Variants in RNF150 observed in about 807,000 individuals in gnomAD.
RNF150 encodes ring finger protein 150.
A neutral mutation model predicts 39.3 loss-of-function variants in RNF150; 24 were observed. That is an observed-to-expected ratio of 0.61 (90% CI 0.44 to 0.86). The LOEUF (loss-of-function observed/expected upper bound fraction) is 0.86. Among genes scored for constraint, RNF150 ranks in the 40% least tolerant of loss-of-function variants. The pLI is 0.00. For synonymous variants in RNF150, 255 were observed against 227.3 expected, an observed-to-expected ratio of 1.12 and a Z score of -1.10; for missense variants, 502 against 587.8, an observed-to-expected ratio of 0.85 and a Z score of 1.51.
At chr4:141,097,696 C>CT (rs537986928) in intron 1 of RNF150, among the ~76,000 whole-genome samples, 172 of 151,980 alleles carry the variant, frequency 1.1e-3, no homozygotes, top group African/African-American at 3.5e-3. Flanking sequence ...TGAGGATAGC[C>CT]TTTTTTTCCT....
At chr4:140,903,126 A>G (rs10002095) in intron 6 of RNF150, among the ~76,000 whole-genome samples, 79,314 of 151,952 alleles carry the variant, frequency 0.52, 22,391 homozygotes, top group East Asian at 0.79. Context: ...TCACCTAACA[A>G]AAATGCAGAA....
chr4:141,142,312 C>T (rs1727130196), intron 1 of RNF150, among the ~76,000 whole-genome samples: 1 of 152,210 alleles, frequency 6.6e-6, no homozygotes, highest in Non-Finnish European at 1.5e-5. Flanking sequence ...AGCCAACTCT[C>T]ACTTTTTCTC....
At chr4:140,962,362 T>A (rs2111408986) in intron 2 of RNF150, among the ~76,000 whole-genome samples, 1 of 151,928 alleles carries the variant, frequency 6.6e-6, no homozygotes, top group East Asian at 1.9e-4. Flanking sequence ...TGGCAGTGCA[T>A]ATGTGCATAT....
At chr4:141,105,946 G>A (rs891730915) in intron 1 of RNF150, among the ~76,000 whole-genome samples, 2 of 152,066 alleles carry the variant, frequency 1.3e-5, no homozygotes, top group East Asian at 1.9e-4. Flanking sequence ...TTACCCAGAA[G>A]AAAATACCCA....
intron 1 of RNF150, among the ~76,000 whole-genome samples, chr4:141,073,661 C>A (rs1474412594): frequency 9.5e-5 from 6 of 63,122 alleles, no homozygotes; most frequent in Non-Finnish European, 2.9e-4. Context: ...CAATATCAAG[C>A]TCGGGGGGGG....
chr4:141,025,294 A>G (rs543508883), intron 1 of RNF150, among the ~76,000 whole-genome samples: 1 of 152,302 alleles, frequency 6.6e-6, no homozygotes, highest in Admixed American at 6.5e-5. Context: ...TCATTCAATC[A>G]GTTATTCAAT....
At chr4:141,003,566 TACACACACACAC>T (rs70946725) in intron 1 of RNF150, among the ~76,000 whole-genome samples, 2,135 of 142,260 alleles carry the variant, frequency 0.015, 11 homozygotes, top group Non-Finnish European at 0.018. Flanking sequence ...CCCTAGCACG[TACACACACACAC>T]ACACACACAC....
Position 140,886,543 on chromosome 4 carries a change from A to C in RNF150, c.1199-18164T>G, listed in dbSNP as rs549395733. Reference sequence around the variant, plus strand: ...TCTGAATGCAAATTCTTTGTTAGACATAGGTATTGCAAATATTTTCTCTCA... The same window carrying C: ...TCTGAATGCAAATTCTTTGTTAGACCTAGGTATTGCAAATATTTTCTCTCA... On this transcript the variant is annotated intron_variant, in intron 6 of 6. Transcript: ENST00000515673. Among the ~76,000 whole-genome samples, 294 of 152,350 alleles carry C rather than the reference A, an allele frequency of 1.9e-3. 1 individual carries two copies. The highest frequency in any genetic ancestry group is 6.9e-3 in the African/African-American group (286 of 41,570).
intron 1 of RNF150, among the ~76,000 whole-genome samples, chr4:141,080,457 G>A (rs552511069): frequency 9.2e-5 from 14 of 151,980 alleles, no homozygotes; most frequent in Admixed American, 1.3e-4. Flanking sequence ...ATTTTCTCTC[G>A]TCATTGTCAA....
intron 1 of RNF150, among the ~76,000 whole-genome samples, chr4:141,207,325 G>A (rs1383368087): frequency 6.6e-6 from 1 of 152,128 alleles, no homozygotes; most frequent in Non-Finnish European, 1.5e-5. Context: ...TAAAAGCAGA[G>A]TACTCTCTCT....
Position 140,946,916 on chromosome 4 carries a change from A to G in RNF150, c.890+738T>C, listed in dbSNP as rs1238885471. ...TTACACAGATGCAAAAAACACTAAAAATGGTTGTCAGTGAAGGAGGATGGA... is the reference window on the plus strand; with the variant it reads ...TTACACAGATGCAAAAAACACTAAAGATGGTTGTCAGTGAAGGAGGATGGA... On this transcript the variant is annotated intron_variant, in intron 4 of 6. Coordinates refer to ENST00000515673, the MANE Select transcript of RNF150 (RefSeq NM_020724.2). 4.6e-5 allele frequency among the ~76,000 whole-genome samples: 7 copies of G among 152,326 alleles called. No individual in the cohort carries two copies. In the East Asian group the frequency reaches 1.3e-3, roughly 29 times the overall value.
At chr4:141,199,024 A>G (rs1056218033) in intron 1 of RNF150, among the ~76,000 whole-genome samples, 1 of 152,226 alleles carries the variant, frequency 6.6e-6, no homozygotes, top group Non-Finnish European at 1.5e-5. Flanking sequence ...TTGAAACTTA[A>G]CAATAAGAAA....
intron 1 of RNF150, among the ~76,000 whole-genome samples, chr4:141,146,436 G>C (rs1436925073): frequency 1.3e-5 from 2 of 152,162 alleles, no homozygotes; most frequent in African/African-American, 4.8e-5. Context: ...TTTGGGAAAA[G>C]ACAATCAGCA....
intron 1 of RNF150, among the ~76,000 whole-genome samples, chr4:141,092,807 A>G (rs1376873127): frequency 2.0e-5 from 3 of 151,500 alleles, no homozygotes; most frequent in Non-Finnish European, 4.4e-5. Context: ...ATACAAAAGC[A>G]TTTGGCTTAT....
chr4:140,880,971 T>C (rs1315966032), intron 6 of RNF150, among the ~76,000 whole-genome samples: 1 of 152,168 alleles, frequency 6.6e-6, no homozygotes, highest in Non-Finnish European at 1.5e-5. Context: ...ATTCTAAGTT[T>C]GGTTGCTTTA....
At chr4:141,001,772 C>A (rs1302340338) in intron 1 of RNF150, among the ~76,000 whole-genome samples, 1 of 152,050 alleles carries the variant, frequency 6.6e-6, no homozygotes, top group Non-Finnish European at 1.5e-5. Context: ...ATAGAGTATT[C>A]TCTTTTTATT....
chr4:141,192,558 G>A (rs1162166929), intron 1 of RNF150, among the ~76,000 whole-genome samples: 1 of 152,176 alleles, frequency 6.6e-6, no homozygotes, highest in Non-Finnish European at 1.5e-5. Flanking sequence ...ATCAGGAAAG[G>A]TCTATCTGAG....
At chr4:141,146,282 G>T (rs1229066435) in intron 1 of RNF150, among the ~76,000 whole-genome samples, 2 of 152,204 alleles carry the variant, frequency 1.3e-5, no homozygotes, top group Non-Finnish European at 2.9e-5. Context: ...AAAAATGTCT[G>T]CAGGAGAAAC....
intron 1 of RNF150, among the ~76,000 whole-genome samples, chr4:140,993,034 C>A (rs1371877056): frequency 8.6e-5 from 13 of 151,896 alleles, no homozygotes; most frequent in Admixed American, 3.3e-4. Context: ...CGCTCATCCT[C>A]CCTTGGGGTG....
Sources: gnomAD v4.1 joint callset for allele counts (sites outside exome capture counted in the v4.1 genomes callset) on GRCh38, gnomAD v4.1.1 for gene constraint, MANE v1.5 for transcripts, NCBI Gene and HGNC (gene_info 2026-07-23, HGNC 2026-07-21) for gene names.